The following DIP2C variants were observed in gnomAD, a reference collection of about 807,000 sequenced individuals.
The protein encoded by DIP2C is DIP2 acetate--CoA ligase C (putative), also known as disco-interacting protein 2 homolog C.
A neutral mutation model predicts 192.4 loss-of-function variants in DIP2C; 33 were observed. The observed-to-expected ratio is 0.17, with a 90% CI of 0.13 to 0.23. The LOEUF (loss-of-function observed/expected upper bound fraction) is 0.23, where lower values mean the gene tolerates loss of function less well. DIP2C is among the 10% of genes least tolerant of loss of function. DIP2C has a pLI of 1.00. For synonymous variants in DIP2C, 979 were observed against 864.1 expected (o/e 1.13, Z -2.33); for missense variants, 1,537 against 2,110.1 (o/e 0.73, Z 5.32).
In DIP2C at chr10:345,050, C is replaced by T; in HGVS notation, c.3292G>A (p.Glu1098Lys). ...QLICKLLRSR[E>K]AAAAVDVRTW... ...CTGACGTCCACAGCCGCCGCCGCCT[C>T]CCTGGACCGCAGCAACTTACAGATC... Residue 1098 changes from glutamate to lysine, a missense_variant, in exon 27 of 37, where the codon GAG becomes AAG. Glu to Lys is a moderately conservative substitution (Grantham distance 56). Transcript: ENST00000280886. 1 of 1,613,772 alleles carries T rather than the reference C, an allele frequency of 6.2e-7. No homozygotes were observed. The highest frequency in any genetic ancestry group is 8.5e-7 in the Non-Finnish European group (1 of 1,179,962).
At position 636,114 on chromosome 10, in the gene DIP2C, G is replaced by A. The variant is rs1854818036; in HGVS notation, c.85+53380C>T. Among the ~76,000 whole-genome samples the A allele has an allele frequency of 6.6e-6, 1 of 152,148 alleles. No homozygotes were observed. Among genetic ancestry groups the A allele is most frequent in the South Asian group, 2.1e-4 (1 of 4,828 alleles). On this transcript the variant is annotated intron_variant, in intron 1 of 36. Transcript: ENST00000280886. The surrounding 1 kb of genome is among the most constrained non-coding windows in gnomAD (Gnocchi z 4.6). The stretch of plus-strand genomic sequence containing the variant: ...TTTCCAGCATCAACCTGTGCTCATA[G>A]CTACATACAAAATAACTTTATCACA...
intron 1 of DIP2C, among the ~76,000 whole-genome samples, chr10:556,103 C>T (rs1181515466): frequency 7.6e-5 from 9 of 117,782 alleles, no homozygotes; most frequent in African/African-American, 1.4e-4. Flanking sequence ...CTTCCATAGC[C>T]GGATCCCCGG....
In DIP2C at chr10:344,847, A is replaced by C; in HGVS notation, c.3415T>G (p.Phe1139Val). Reference protein sequence around the residue: ...CNPDTLAYLDFSVSTTGMLAG... With the variant: ...CNPDTLAYLDVSVSTTGMLAG... ...AGCATCCCAGTTGTGGACACGCTGA[A>C]GTCGAGATATGCAAGAGTGTCTGGG... Residue 1139 changes from phenylalanine (F) to valine (V), a missense_variant, in exon 28 of 37, where the codon TTC (phenylalanine) becomes GTC (valine). Phe to Val is a conservative substitution (Grantham distance 50). Coordinates refer to ENST00000280886, the MANE Select transcript of DIP2C (RefSeq NM_014974.3). 1 of 1,604,342 alleles carries C rather than the reference A, an allele frequency of 6.2e-7. No homozygotes were observed. Among genetic ancestry groups the C allele is most frequent in the Admixed American group, 1.7e-5 (1 of 58,502 alleles).
At chr10:289,901 G>T (rs1043959388) in intron 32 of DIP2C, among the ~76,000 whole-genome samples, 4 of 152,212 alleles carry the variant, frequency 2.6e-5, no homozygotes, top group African/African-American at 9.6e-5. Context: ...GCCAGACCTA[G>T]GGCTGTCTGC....
chr10:487,115 CACAG>C lies in DIP2C; in HGVS notation c.86-589_86-586del, dbSNP rs1288570927. ...AGGCAAGAATCCACATGTTAAAGCT[CACAG>C]ACAGCCACGGACGCGCAGCAGCCAT... On this transcript the variant is annotated intron_variant, in intron 1 of 36. Transcript: ENST00000280886. Among the ~76,000 whole-genome samples, 13 of 152,220 alleles carry C rather than the reference CACAG, an allele frequency of 8.5e-5. No individual in the cohort carries two copies. The East Asian group carries it at 1.3e-3, about 16-fold the overall frequency.
rs576378421 is a variant in DIP2C at position 612,504 on chromosome 10, T to C, written c.85+76990A>G. ...TTTAAAACCTCAGGAGAAAAACAAG[T>C]GTGGGGTAAGACCTCAAGGCAAAAT... On this transcript the variant is annotated intron_variant, in intron 1 of 36. Coordinates refer to ENST00000280886, the MANE Select transcript of DIP2C (RefSeq NM_014974.3). Among the ~76,000 whole-genome samples the C allele has an allele frequency of 2.3e-3, 355 of 152,230 alleles. 1 individual carries two copies. Among genetic ancestry groups the C allele is most frequent in the African/African-American group, 8.1e-3 (338 of 41,536 alleles).
In DIP2C at chr10:584,764, CA is replaced by C. The variant is rs146289620; in HGVS notation, c.86-98235del. Among the ~76,000 whole-genome samples the C allele has an allele frequency of 2.5e-3, 291 of 117,638 alleles. 14 individuals are homozygous for C. Among genetic ancestry groups the C allele is most frequent in the East Asian group, 5.1e-3 (17 of 3,342 alleles). The allele number at this position is 117,638 out of a possible 152,430, so 77.2% of individuals were successfully genotyped here. On this transcript the variant is annotated intron_variant, in intron 1 of 36. Transcript: ENST00000280886. ...ACCTCTCAGATAATCTCGGGGCCCA[CA>C]ACCTGGCCCCCACTCACGCGTATCA... is the stretch of plus-strand genomic sequence containing the variant.
intron 4 of DIP2C, among the ~76,000 whole-genome samples, chr10:434,699 CTT>C (rs959750039): frequency 2.1e-5 from 3 of 145,620 alleles, no homozygotes; most frequent in African/African-American, 8.5e-5. Context: ...CTGAGAAAGT[CTT>C]TACTTTTCCT....
At chr10:481,796 C>T (rs1445321987) in intron 2 of DIP2C, among the ~76,000 whole-genome samples, 19 of 152,284 alleles carry the variant, frequency 1.2e-4, no homozygotes, top group African/African-American at 3.6e-4. Context: ...ACGGTAGGGA[C>T]GGTCACTCAG....
At chr10:451,831 A>C (rs896022786) in intron 3 of DIP2C, among the ~76,000 whole-genome samples, 16 of 152,232 alleles carry the variant, frequency 1.1e-4, no homozygotes, top group African/African-American at 3.9e-4. Flanking sequence ...GAGACACAGG[A>C]AAGGTACATC....
At chr10:484,785 A>C (rs769075114) in intron 2 of DIP2C, 1 of 1,610,742 alleles carries the variant, frequency 6.2e-7, no homozygotes, top group African/African-American at 1.3e-5. Context: ...GCTCACCGAA[A>C]CGAAAGTAAA....
chr10:537,184 G>A (rs1281860569), intron 1 of DIP2C, among the ~76,000 whole-genome samples: 3 of 152,086 alleles, frequency 2.0e-5, no homozygotes, highest in Non-Finnish European at 4.4e-5. Flanking sequence ...GAAGGAGGGC[G>A]TGGGATCTTG....
intron 18 of DIP2C, 146 bp from the exon 19 acceptor site, chr10:366,557 C>G: frequency 1.8e-6 from 2 of 1,090,732 alleles, no homozygotes; most frequent in Non-Finnish European, 2.6e-6. Context: ...CAGCCAGGCA[C>G]TCATTTTCCC....
At chr10:686,435 C>A (rs1286864861) in intron 1 of DIP2C, among the ~76,000 whole-genome samples, 5 of 151,984 alleles carry the variant, frequency 3.3e-5, no homozygotes, top group African/African-American at 1.2e-4. Flanking sequence ...CCTCCGCACC[C>A]ACACAGCCTC....
chr10:503,625 A>G (rs1845399877), intron 1 of DIP2C, among the ~76,000 whole-genome samples: 1 of 152,226 alleles, frequency 6.6e-6, no homozygotes, highest in African/African-American at 2.4e-5. Flanking sequence ...TGCTAACCAC[A>G]GCTTCCACCC....
At chr10:578,977 T>C (rs1421966955) in intron 1 of DIP2C, among the ~76,000 whole-genome samples, 1 of 152,052 alleles carries the variant, frequency 6.6e-6, no homozygotes, top group Non-Finnish European at 1.5e-5. Flanking sequence ...CAGATCCATG[T>C]AGTGTACATA....
chr10:583,111 C>A (rs1296035887), intron 1 of DIP2C, among the ~76,000 whole-genome samples: 1 of 152,220 alleles, frequency 6.6e-6, no homozygotes, highest in African/African-American at 2.4e-5. Flanking sequence ...TTATCCCCCA[C>A]AACACACAGA....
intron 1 of DIP2C, among the ~76,000 whole-genome samples, chr10:494,545 G>A (rs1031196967): frequency 6.6e-6 from 1 of 152,158 alleles, no homozygotes; most frequent in African/African-American, 2.4e-5. Context: ...AAGAGTCAAA[G>A]CAATCCAAGA....
intron 17 of DIP2C, among the ~76,000 whole-genome samples, chr10:378,474 G>A (rs528367228): frequency 6.6e-6 from 1 of 151,776 alleles, no homozygotes; most frequent in East Asian, 1.9e-4. Context: ...CCTAGACAAA[G>A]ACATGCATAC....
Sources: allele counts gnomAD v4.1 joint callset (sites outside exome capture counted in the v4.1 genomes callset), GRCh38; gene constraint gnomAD v4.1.1; non-coding constraint Gnocchi (gnomAD v3.1); transcripts MANE v1.5; gene names NCBI Gene and HGNC (gene_info 2026-07-23, HGNC 2026-07-21).